Variants in TENM3 observed in about 807,000 individuals in gnomAD.
TENM3 encodes the protein teneurin transmembrane protein 3, also known as teneurin-3.
A neutral mutation model predicts 255.1 loss-of-function variants in TENM3; 63 were observed. That is an observed-to-expected ratio of 0.25 (90% CI 0.20 to 0.30). The LOEUF is 0.30. Ranked by LOEUF, TENM3 falls within the 10% of genes least tolerant of loss-of-function variation. TENM3 has a pLI of 1.00. For missense variants in TENM3, 2,929 were observed against 3,461.1 expected (o/e 0.85, Z 3.86); for synonymous variants, 1,306 against 1,322.3 (o/e 0.99, Z 0.27).
At chr4:182,533,932 A>C (rs561264737) in intron 3 of TENM3, among the ~76,000 whole-genome samples, 108 of 152,240 alleles carry the variant, frequency 7.1e-4, no homozygotes, top group Middle Eastern at 3.4e-3. Flanking sequence ...TTGTCTTTTC[A>C]TTGATATAGT....
chr4:182,370,735 A>G (rs913774096), intron 3 of TENM3, among the ~76,000 whole-genome samples: 2 of 152,168 alleles, frequency 1.3e-5, no homozygotes, highest in African/African-American at 2.4e-5. Flanking sequence ...GGAGCAGTTC[A>G]TTATTTCACT....
At chr4:182,430,178 G>A (rs1369772957) in intron 3 of TENM3, among the ~76,000 whole-genome samples, 1 of 152,110 alleles carries the variant, frequency 6.6e-6, no homozygotes, top group Non-Finnish European at 1.5e-5. Context: ...TATCATTGTA[G>A]AGAAAAATGT....
At chr4:181,646,946 G>A in the TENM3 span, among the ~76,000 whole-genome samples, 2 of 152,178 alleles carry the variant, frequency 1.3e-5, no homozygotes, top group African/African-American at 4.8e-5. Context: ...TTCTATTGTG[G>A]ATTAAATGGA....
At chr4:182,122,298 A>C in the TENM3 span, among the ~76,000 whole-genome samples, 2 of 152,204 alleles carry the variant, frequency 1.3e-5, no homozygotes, top group Admixed American at 1.3e-4. Context: ...TCTTAATTGG[A>C]TCTAGAATGG....
At chr4:181,592,662 C>CTTTTTT in the TENM3 span, among the ~76,000 whole-genome samples, 8 of 130,060 alleles carry the variant, frequency 6.2e-5, no homozygotes, top group Admixed American at 7.8e-5. Context: ...GAAAATCTCT[C>CTTTTTT]TTTTTTTTTT....
At chr4:182,237,640 T>C (rs535077187) in intron 1 of TENM3, among the ~76,000 whole-genome samples, 2 of 152,316 alleles carry the variant, frequency 1.3e-5, no homozygotes, top group South Asian at 4.1e-4. Context: ...TTCGGAATTC[T>C]GGATCTTTTG....
At chr4:181,609,162 T>G in the TENM3 span, among the ~76,000 whole-genome samples, 2 of 152,122 alleles carry the variant, frequency 1.3e-5, no homozygotes, top group Non-Finnish European at 2.9e-5. Context: ...GTGAAGGAAG[T>G]GCTGAAACAG....
chr4:182,130,028 G>A, the TENM3 span, among the ~76,000 whole-genome samples: 13 of 152,240 alleles, frequency 8.5e-5, no homozygotes, highest in South Asian at 1.7e-3. Context: ...AAGTTAAAAC[G>A]TCAGAATAGT....
intron 4 of TENM3, among the ~76,000 whole-genome samples, chr4:182,613,458 C>T (rs559086301): frequency 2.2e-4 from 33 of 152,222 alleles, no homozygotes; most frequent in African/African-American, 7.7e-4. Context: ...TGGTTGTAGA[C>T]CTGTCTAAGT....
chr4:182,775,392 G>C lies in TENM3; in HGVS notation c.5304+239G>C, dbSNP rs74518388. ...AGCAATAGGACACTAGAGGGAAAAG[G>C]AGATCAGGAGTGAAGGTAAAGCCAT... On this transcript the variant is annotated intron_variant, in intron 24 of 27. Transcript: ENST00000511685. Among the ~76,000 whole-genome samples, 79 of 152,294 alleles carry C rather than the reference G, an allele frequency of 5.2e-4. No homozygotes were observed. The East Asian group carries it at 0.01, about 19-fold the overall frequency.
At chr4:181,569,159 C>A in the TENM3 span, among the ~76,000 whole-genome samples, 1 of 151,984 alleles carries the variant, frequency 6.6e-6, no homozygotes, top group Non-Finnish European at 1.5e-5. Flanking sequence ...ATAGTGAGGC[C>A]CCCGTCTCTA....
At chr4:182,450,482 A>G (rs962725711) in intron 3 of TENM3, among the ~76,000 whole-genome samples, 31 of 152,296 alleles carry the variant, frequency 2.0e-4, no homozygotes, top group Admixed American at 1.9e-3. Context: ...GCCATCTGCT[A>G]TAAGAGGTTA....
chr4:182,103,066 G>T, the TENM3 span, among the ~76,000 whole-genome samples: 1 of 152,100 alleles, frequency 6.6e-6, no homozygotes, highest in South Asian at 2.1e-4. Context: ...ACAAAATAAT[G>T]TTTTTTACAA....
chr4:181,953,694 G>C, the TENM3 span, among the ~76,000 whole-genome samples: 1 of 151,788 alleles, frequency 6.6e-6, no homozygotes. Flanking sequence ...AAGAAAAAAA[G>C]AAAGAAAGAA....
At chr4:182,549,027 C>G (rs1741744372) in intron 3 of TENM3, among the ~76,000 whole-genome samples, 1 of 152,136 alleles carries the variant, frequency 6.6e-6, no homozygotes, top group Non-Finnish European at 1.5e-5. Flanking sequence ...ACTTGGCAGC[C>G]CAGCAATAAC....
chr4:182,790,647 C>G (rs182944942), intron 25 of TENM3, among the ~76,000 whole-genome samples: 7 of 152,142 alleles, frequency 4.6e-5, no homozygotes, highest in African/African-American at 1.7e-4. Flanking sequence ...AGAGACTCAC[C>G]CTTGAGACAA....
chr4:181,479,348 C>A, the TENM3 span, among the ~76,000 whole-genome samples: 1 of 152,154 alleles, frequency 6.6e-6, no homozygotes, highest in South Asian at 2.1e-4. Flanking sequence ...GCCTACGCAT[C>A]ACAAAGCAAG....
chr4:182,799,591 C>A lies in TENM3; in HGVS notation c.7345-5C>A. 6.5e-7 allele frequency: 1 copy of A among 1,536,372 alleles called. No individual in the cohort carries two copies. The highest frequency in any genetic ancestry group is 2.0e-5 in the Admixed American group (1 of 49,606). On this transcript the variant is annotated splice_polypyrimidine_tract_variant and splice_region_variant and intron_variant, in intron 27 of 27. Coordinates refer to ENST00000511685, the MANE Select transcript of TENM3 (RefSeq NM_001080477.4). This position sits in a 1 kb window ranked among gnomAD's most constrained non-coding sequence, Gnocchi z 4.2. ...GACGCGCCCCCTCTTTTGTTTCGCCCGCAGCCCATCTTCGGAGTCCAGCAG... is the reference window on the plus strand; with the variant it reads ...GACGCGCCCCCTCTTTTGTTTCGCCAGCAGCCCATCTTCGGAGTCCAGCAG...
At chr4:182,491,236 C>T (rs545955042) in intron 3 of TENM3, among the ~76,000 whole-genome samples, 1 of 152,040 alleles carries the variant, frequency 6.6e-6, no homozygotes, top group Non-Finnish European at 1.5e-5. Flanking sequence ...TTTATGTAAA[C>T]CTTAGGAGAT....
Sources: gnomAD v4.1 joint callset for allele counts (sites outside exome capture counted in the v4.1 genomes callset) on GRCh38, gnomAD v4.1.1 for gene constraint, Gnocchi (gnomAD v3.1) non-coding constraint, MANE v1.5 for transcripts, NCBI Gene and HGNC (gene_info 2026-07-23, HGNC 2026-07-21) for gene names.